FAR2: variants seen among roughly 807,000 people sequenced by gnomAD.
FAR2 encodes the protein epididymis secretory protein Li 81.
FAR2 carries 19 observed loss-of-function variants against 56.0 expected under a neutral mutation model. The observed-to-expected ratio is 0.34, with a 90% CI of 0.24 to 0.50. The LOEUF (loss-of-function observed/expected upper bound fraction) is 0.50, where lower values mean the gene tolerates loss of function less well. Among genes scored for constraint, FAR2 ranks in the 20% least tolerant of loss-of-function variants. FAR2 has a pLI of 0.98. For missense variants in FAR2, 508 were observed against 642.2 expected (o/e 0.79, Z 2.26); for synonymous variants, 219 against 218.8 (o/e 1.00, Z -0.01).
At chr12:29,154,028 C>G (rs1565675053) in intron 1 of FAR2, among the ~76,000 whole-genome samples, 1 of 152,186 alleles carries the variant, frequency 6.6e-6, no homozygotes, top group South Asian at 2.1e-4. Context: ...GCTTTTCATA[C>G]TATCCTCTCT....
intron 10 of FAR2, among the ~76,000 whole-genome samples, chr12:29,331,163 C>T (rs183312574): frequency 1.9e-4 from 28 of 150,416 alleles, no homozygotes; most frequent in African/African-American, 5.6e-4. Context: ...TTAAGAGTAA[C>T]GAGCAACTTT....
At chr12:29,328,851 C>G (rs1370355899) in intron 10 of FAR2, among the ~76,000 whole-genome samples, 2 of 151,668 alleles carry the variant, frequency 1.3e-5, no homozygotes, top group Non-Finnish European at 2.9e-5. Flanking sequence ...ATGTAACAAG[C>G]CTGCACGTTA....
At chr12:29,254,099 G>C (rs1428046885) in intron 1 of FAR2, among the ~76,000 whole-genome samples, 2 of 152,056 alleles carry the variant, frequency 1.3e-5, no homozygotes, top group African/African-American at 4.8e-5. Context: ...GGTTTTTCTT[G>C]ACTATGGAGT....
chr12:29,217,529 T>G (rs1947637430), intron 1 of FAR2, among the ~76,000 whole-genome samples: 1 of 152,136 alleles, frequency 6.6e-6, no homozygotes, highest in African/African-American at 2.4e-5. Flanking sequence ...AAAGTCAAGC[T>G]AGAAGAAAAA....
intron 1 of FAR2, among the ~76,000 whole-genome samples, chr12:29,261,634 C>T (rs1031608472): frequency 2.0e-5 from 3 of 152,136 alleles, no homozygotes; most frequent in Non-Finnish European, 4.4e-5. Context: ...TAATCAAACT[C>T]CCAAAGGTCA....
intron 8 of FAR2, among the ~76,000 whole-genome samples, chr12:29,312,971 C>G (rs1439644548): frequency 6.6e-6 from 1 of 152,068 alleles, no homozygotes; most frequent in Non-Finnish European, 1.5e-5. Context: ...CCTCTTACAC[C>G]TATAGCAAAC....
At chr12:29,255,018 G>A (rs1458426497) in intron 1 of FAR2, among the ~76,000 whole-genome samples, 1 of 150,926 alleles carries the variant, frequency 6.6e-6, no homozygotes, top group Non-Finnish European at 1.5e-5. Context: ...TGCATTATTT[G>A]ACTCACTAGT....
At chr12:29,245,756 C>T (rs554463739) in intron 1 of FAR2, among the ~76,000 whole-genome samples, 110 of 152,274 alleles carry the variant, frequency 7.2e-4, no homozygotes, top group Middle Eastern at 6.8e-3. Context: ...ATCTATTCTT[C>T]TAGCCTGGGA....
intron 2 of FAR2, among the ~76,000 whole-genome samples, chr12:29,272,860 C>T (rs1373182809): frequency 6.6e-6 from 1 of 152,008 alleles, no homozygotes; most frequent in African/African-American, 2.4e-5. Context: ...GTTGTTGTCG[C>T]TTTCTGCTTG....
At position 29,297,257 on chromosome 12, in the gene FAR2, TTTGA is replaced by T. The variant is rs1591942280; in HGVS notation, c.545+60_545+63del. ...GGGTAGAATAAGTTCCTTTGTTCTC[TTTGA>T]TTCTTTGTAGCTATTAATGAGATGA... is the stretch of plus-strand genomic sequence containing the variant. On this transcript the variant is annotated intron_variant, in intron 4 of 11. Transcript: ENST00000536681. 2.1e-6 allele frequency: 3 copies of T among 1,460,398 alleles called. No homozygotes were observed. The East Asian group carries it at 6.9e-5, about 34-fold the overall frequency. The allele number at this position is 1,460,398 out of a possible 1,614,324, so 90.5% of individuals were successfully genotyped here.
intron 1 of FAR2, among the ~76,000 whole-genome samples, chr12:29,215,607 C>T (rs1947612873): frequency 6.6e-6 from 1 of 152,110 alleles, no homozygotes; most frequent in African/African-American, 2.4e-5. Context: ...TAGGTAAATT[C>T]AGTGTCTTTG....
intron 2 of FAR2, among the ~76,000 whole-genome samples, chr12:29,273,642 G>A (rs1307728446): frequency 1.3e-5 from 2 of 152,234 alleles, no homozygotes; most frequent in African/African-American, 4.8e-5. Flanking sequence ...AGCTCAAATG[G>A]CTTAGACAGC....
chr12:29,221,141 C>T (rs75726339), intron 1 of FAR2, among the ~76,000 whole-genome samples: 4 of 151,934 alleles, frequency 2.6e-5, no homozygotes, highest in African/African-American at 4.8e-5. Flanking sequence ...GTCATATACC[C>T]GTAAAATCAG....
At chr12:29,236,237 T>A (rs1947938883) in intron 1 of FAR2, among the ~76,000 whole-genome samples, 1 of 152,158 alleles carries the variant, frequency 6.6e-6, no homozygotes, top group African/African-American at 2.4e-5. Context: ...AATCTGCCAA[T>A]TAAGAGACAT....
intron 10 of FAR2, among the ~76,000 whole-genome samples, chr12:29,327,845 G>C (rs1265638593): frequency 5.9e-5 from 9 of 151,868 alleles, no homozygotes; most frequent in South Asian, 2.1e-4. Context: ...CAGGCATGGG[G>C]AAGGACTTCA....
At chr12:29,329,120 G>C (rs1008688089) in intron 10 of FAR2, among the ~76,000 whole-genome samples, 1 of 152,126 alleles carries the variant, frequency 6.6e-6, no homozygotes, top group African/African-American at 2.4e-5. Context: ...CCCTCTCAAA[G>C]TGACATGAAA....
rs3222956 is a variant in FAR2 at position 29,194,521 on chromosome 12, C to CCACACACACA, written c.-39+45144_-39+45153dup. On this transcript the variant is annotated intron_variant, in intron 1 of 11. Transcript: ENST00000536681. ...GATTTAGGTTTCCAGGCTAGTGATGCCACACACACACACACACACACACAC... is the reference window on the plus strand; with the variant it reads ...GATTTAGGTTTCCAGGCTAGTGATGCCACACACACACACACACACACACACACACACACAC... 5.4e-3 allele frequency among the ~76,000 whole-genome samples: 767 copies of CCACACACACA among 140,870 alleles called. 6 individuals carry two copies. The highest frequency in any genetic ancestry group is 0.018 in the East Asian group (84 of 4,642). The allele number at this position is 140,870 out of a possible 152,430, so 92.4% of individuals were successfully genotyped here. A position where few individuals can be genotyped will look rare whatever the true frequency, so the allele number is the denominator to read the frequency against.
chr12:29,266,057 C>T (rs1188791248), intron 1 of FAR2, among the ~76,000 whole-genome samples: 2 of 152,124 alleles, frequency 1.3e-5, no homozygotes, highest in Non-Finnish European at 2.9e-5. Flanking sequence ...CCCTCATATA[C>T]TGTTGGTAGG....
chr12:29,197,218 C>A (rs1249652343), intron 1 of FAR2, among the ~76,000 whole-genome samples: 2 of 152,156 alleles, frequency 1.3e-5, no homozygotes, highest in East Asian at 3.8e-4. Flanking sequence ...GCTACTTAGT[C>A]CTTACTAGAG....
Sources: allele counts gnomAD v4.1 joint callset (sites outside exome capture counted in the v4.1 genomes callset), GRCh38; gene constraint gnomAD v4.1.1; transcripts MANE v1.5; gene names NCBI Gene and HGNC (gene_info 2026-07-23, HGNC 2026-07-21).